The following TAPT1 variants were observed in gnomAD, a reference collection of about 807,000 sequenced individuals.
The protein encoded by TAPT1 is transmembrane anterior posterior transformation protein 1 homolog.
A neutral mutation model predicts 65.6 loss-of-function variants in TAPT1; 28 were observed. The observed-to-expected ratio is 0.43, with a 90% CI of 0.32 to 0.59. The LOEUF is 0.59. Among genes scored for constraint, TAPT1 ranks in the 20% least tolerant of loss-of-function variants. The pLI, the probability that TAPT1 is intolerant of heterozygous loss-of-function variation, is 0.09. For synonymous variants in TAPT1, 278 were observed against 245.2 expected (o/e 1.13, Z -1.25); for missense variants, 563 against 679.9 (o/e 0.83, Z 1.91).
intron 3 of TAPT1, chr4:16,196,661 A>G: frequency 7.8e-7 from 1 of 1,287,532 alleles, no homozygotes; most frequent in African/African-American, 1.5e-5. Flanking sequence ...TACTCACCAC[A>G]AGGAGTCCCT....
chr4:16,178,112 C>A (rs368461470), intron 8 of TAPT1, among the ~76,000 whole-genome samples: 1 of 152,148 alleles, frequency 6.6e-6, no homozygotes, highest in African/African-American at 2.4e-5. Context: ...ACACATACCC[C>A]CTCTGCCCTT....
At chr4:16,174,154 T>C in intron 11 of TAPT1, 50 bp downstream of exon 11, 1 of 1,330,366 alleles carries the variant, frequency 7.5e-7, no homozygotes, top group South Asian at 1.3e-5. Flanking sequence ...ATTAATATTC[T>C]ATAATGATGG....
In TAPT1 at chr4:16,162,028, T is replaced by C. The variant is rs1318337729; in HGVS notation, c.*1280A>G. Reference sequence around the variant, plus strand: ...AAAATGGGGTGGGAAATAACTTCTATGATATAGACCACAAACTAGTAATTA... The same window carrying C: ...AAAATGGGGTGGGAAATAACTTCTACGATATAGACCACAAACTAGTAATTA... On this transcript the variant is annotated 3_prime_UTR_variant, in exon 14 of 14. Transcript: ENST00000405303. The C allele has an allele frequency of 6.6e-6, 1 of 152,208 alleles. No individual in the cohort carries two copies. Among genetic ancestry groups the C allele is most frequent in the Non-Finnish European group, 1.5e-5 (1 of 68,032 alleles). The allele number at this position is 152,208 out of a possible 1,614,324, so 9.4% of individuals were successfully genotyped here.
At chr4:16,187,905 C>T (rs535203146) in intron 5 of TAPT1, among the ~76,000 whole-genome samples, 6 of 152,022 alleles carry the variant, frequency 3.9e-5, no homozygotes, top group East Asian at 1.9e-4. Flanking sequence ...AACATAAGTA[C>T]GAAAAATTAT....
chr4:16,174,609 T>C, intron 10 of TAPT1, 61 bp downstream of exon 10: 1 of 1,371,064 alleles, frequency 7.3e-7, no homozygotes, highest in South Asian at 1.3e-5. Context: ...TTAATCATTA[T>C]TCAGTTAATT....
rs187622955 is a variant in TAPT1 at position 16,206,706 on chromosome 4, A to G, written c.331-4126T>C. Among the ~76,000 whole-genome samples the G allele has an allele frequency of 1.5e-3, 236 of 152,296 alleles. 2 individuals are homozygous for G. The highest frequency in any genetic ancestry group is 1.2e-3 in the South Asian group (6 of 4,820). ...CAGTGTGAATGATCACAGCAGCCTG[A>G]CATAGGACAATGGAAAGACAGAGAA... On this transcript the variant is annotated intron_variant, in intron 2 of 13. Transcript: ENST00000405303.
intron 3 of TAPT1, among the ~76,000 whole-genome samples, chr4:16,199,364 GAAAA>G (rs1035035119): frequency 4.0e-5 from 6 of 151,846 alleles, no homozygotes; most frequent in Non-Finnish European, 8.8e-5. Flanking sequence ...ATAAAACTTT[GAAAA>G]AAGAAAACAT....
intron 4 of TAPT1, among the ~76,000 whole-genome samples, chr4:16,189,168 C>T (rs1749202013): frequency 6.6e-6 from 1 of 152,042 alleles, no homozygotes; most frequent in South Asian, 2.1e-4. Flanking sequence ...TAAAAATTGA[C>T]ACATAAAAGA....
At chr4:16,205,901 T>C in intron 2 of TAPT1, among the ~76,000 whole-genome samples, 1 of 152,212 alleles carries the variant, frequency 6.6e-6, no homozygotes, top group East Asian at 1.9e-4. Context: ...CTTATAGCTC[T>C]TTTATTTTAA....
intron 3 of TAPT1, among the ~76,000 whole-genome samples, chr4:16,198,701 A>G (rs927326355): frequency 1.3e-5 from 2 of 152,250 alleles, no homozygotes; most frequent in African/African-American, 4.8e-5. Context: ...ACATGACATC[A>G]CTACAGGCAA....
At chr4:16,165,251 C>T (rs1211506942) in intron 13 of TAPT1, among the ~76,000 whole-genome samples, 1 of 152,150 alleles carries the variant, frequency 6.6e-6, no homozygotes, top group African/African-American at 2.4e-5. Flanking sequence ...TATGACCTTG[C>T]ACACAGTTAT....
chr4:16,169,877 G>T (rs898603620), intron 12 of TAPT1, among the ~76,000 whole-genome samples: 2 of 152,212 alleles, frequency 1.3e-5, no homozygotes, highest in Non-Finnish European at 2.9e-5. Context: ...CACCGCTCAA[G>T]TTGTGACTGC....
intron 2 of TAPT1, among the ~76,000 whole-genome samples, chr4:16,209,470 T>G (rs1578472367): frequency 6.6e-6 from 1 of 152,346 alleles, no homozygotes; most frequent in African/African-American, 2.4e-5. Context: ...ATCTTTATCT[T>G]TCTAAATTTG....
At chr4:16,220,906 G>T (rs73130470) in intron 1 of TAPT1, among the ~76,000 whole-genome samples, 8 of 151,828 alleles carry the variant, frequency 5.3e-5, no homozygotes, top group African/African-American at 1.2e-4. Context: ...TTGGCTCACT[G>T]TATTTTTTAT....
At chr4:16,179,058 C>T in intron 8 of TAPT1, 1 of 152,388 alleles carries the variant, frequency 6.6e-6, no homozygotes, top group Non-Finnish European at 1.5e-5. Flanking sequence ...GAAAACATAC[C>T]CAATCCATTC....
Position 16,163,268 on chromosome 4 carries a change from G to GC in TAPT1, c.*39dup. ...TTGTCCTGGCAACACAGCACTTGTTGCCCCAGGACCCAGCTTCTTCAGCGC... is the reference window on the plus strand; with the variant it reads ...TTGTCCTGGCAACACAGCACTTGTTGCCCCCAGGACCCAGCTTCTTCAGCGC... On this transcript the variant is annotated 3_prime_UTR_variant, in exon 14 of 14. Coordinates refer to ENST00000405303, the MANE Select transcript of TAPT1 (RefSeq NM_153365.3). 2 of 1,463,518 alleles carry GC rather than the reference G, an allele frequency of 1.4e-6. No individual in the cohort carries two copies. Among genetic ancestry groups the GC allele is most frequent in the East Asian group, 2.3e-5 (1 of 44,160 alleles). 90.7% of individuals were successfully genotyped at this position (1,463,518 alleles called of 1,614,324 possible).
Position 16,202,447 on chromosome 4 carries a change from C to T in TAPT1, c.449+15G>A, listed in dbSNP as rs940841151. On this transcript the variant is annotated intron_variant, in intron 3 of 13. Transcript: ENST00000405303. ...AATACTATACATTTACAATAGTTAA[C>T]GATCTTAAACTTACCTTAAGCCATA... is the stretch of plus-strand genomic sequence containing the variant. The T allele has an allele frequency of 1.2e-5, 17 of 1,379,008 alleles. No individual in the cohort carries two copies. Among genetic ancestry groups the T allele is most frequent in the South Asian group, 3.8e-5 (3 of 79,660 alleles). 85.4% of individuals were successfully genotyped at this position (1,379,008 alleles called of 1,614,324 possible). A position where few individuals can be genotyped will look rare whatever the true frequency, so the allele number is the denominator to read the frequency against.
At chr4:16,197,226 G>A (rs569526718) in intron 3 of TAPT1, among the ~76,000 whole-genome samples, 80 of 152,326 alleles carry the variant, frequency 5.3e-4, no homozygotes, top group African/African-American at 1.9e-3. Flanking sequence ...AGCCTCATGT[G>A]AGAGTTATGC....
chr4:16,169,347 T>A (rs1560150710), intron 12 of TAPT1, among the ~76,000 whole-genome samples: 1 of 152,268 alleles, frequency 6.6e-6, no homozygotes, highest in Non-Finnish European at 1.5e-5. Context: ...CTGATTATTA[T>A]GTAAAAAACA....
Sources: gnomAD v4.1 joint callset for allele counts (sites outside exome capture counted in the v4.1 genomes callset) on GRCh38, gnomAD v4.1.1 for gene constraint, MANE v1.5 for transcripts, NCBI Gene and HGNC (gene_info 2026-07-23, HGNC 2026-07-21) for gene names.